The following ZNF440 variants were observed in gnomAD, a reference collection of about 807,000 sequenced individuals.
ZNF440 encodes the protein zinc finger protein 440.
ZNF440 carries 47 observed loss-of-function variants against 49.7 expected under a neutral mutation model. The observed-to-expected ratio is 0.95, with a 90% CI of 0.75 to 1.21. The LOEUF (loss-of-function observed/expected upper bound fraction) is 1.21. Among genes scored for constraint, ZNF440 ranks in the 50% most tolerant of loss-of-function variants. The probability of loss-of-function intolerance (pLI) is 0.00; values close to 1 mark genes in which losing one functional copy is unlikely to be tolerated. For missense variants in ZNF440, 703 were observed against 715.0 expected (o/e 0.98, Z 0.19); for synonymous variants, 255 against 237.7 (o/e 1.07, Z -0.67).
chr19:11,828,359 G>A lies in ZNF440; in HGVS notation c.4-1924G>A, dbSNP rs144734182. 2.1e-3 allele frequency among the ~76,000 whole-genome samples: 313 copies of A among 151,306 alleles called. 1 individual carries two copies. The highest frequency in any genetic ancestry group is 7.2e-3 in the African/African-American group (295 of 41,204). On this transcript the variant is annotated intron_variant, in intron 1 of 3. Transcript: ENST00000304060. ...GTGCCACCACGCCTGGCTAATTTTTGTATTTTTTAGAGATGGAGTTCCACC... is the reference window on the plus strand; with the variant it reads ...GTGCCACCACGCCTGGCTAATTTTTATATTTTTTAGAGATGGAGTTCCACC...
intron 1 of ZNF440, among the ~76,000 whole-genome samples, chr19:11,824,182 C>CAAAAAAAAAAAAAAAAAA (rs200865473): frequency 6.7e-5 from 4 of 59,972 alleles, no homozygotes; most frequent in Non-Finnish European, 1.0e-4. Context: ...TACCCTGTTT[C>CAAAAAAAAAAAAAAAAAA]AAAAAAAAAA....
intron 1 of ZNF440, among the ~76,000 whole-genome samples, chr19:11,824,537 G>A (rs1318674599): frequency 1.3e-5 from 2 of 151,766 alleles, no homozygotes; most frequent in African/African-American, 2.4e-5. Context: ...ATTTTATATC[G>A]GATTTTATTT....
At chr19:11,823,517 A>C (rs926347426) in intron 1 of ZNF440, among the ~76,000 whole-genome samples, 9 of 152,196 alleles carry the variant, frequency 5.9e-5, no homozygotes, top group African/African-American at 1.7e-4. Context: ...CAGAAACGTT[A>C]CATCATAGTG....
In ZNF440 at chr19:11,834,481, G is replaced by A. The variant is rs184835577; in HGVS notation, c.*1517G>A. ...ACCAATAGTTATCTCATGCACCTCT[G>A]AGTGCCTTCTTCCCCAAAACCAGCA... On this transcript the variant is annotated 3_prime_UTR_variant, in exon 4 of 4. Transcript: ENST00000304060. The A allele has an allele frequency of 4.6e-5, 7 of 152,182 alleles. 1 individual carries two copies. Among genetic ancestry groups the A allele is most frequent in the Non-Finnish European group, 7.4e-5 (5 of 68,010 alleles). The allele number at this position is 152,182 out of a possible 1,614,324, so 9.4% of individuals were successfully genotyped here.
chr19:11,829,629 A>G (rs1975908684), intron 1 of ZNF440, among the ~76,000 whole-genome samples: 1 of 152,086 alleles, frequency 6.6e-6, no homozygotes, highest in Non-Finnish European at 1.5e-5. Flanking sequence ...TACATTTCCT[A>G]TCCTGCTGTG....
At chr19:11,821,127 T>G (rs1056480225) in intron 1 of ZNF440, among the ~76,000 whole-genome samples, 4 of 152,214 alleles carry the variant, frequency 2.6e-5, no homozygotes, top group African/African-American at 4.8e-5. Context: ...CTTTGGAAAC[T>G]TCAAAGGGTG....
Position 11,831,643 on chromosome 19 carries a change from G to A in ZNF440, c.467G>A (p.Arg156His), listed in dbSNP as rs200222542. ...CAACCTAAAAAAGCCTTCAGATACC[G>A]CCCCTCCTTTAGAACACAAGAAAGG... The part of the protein sequence containing the change: ...CQQPKKAFRY[R>H]PSFRTQERDH... The change falls in exon 4 of 4, where the codon CGC becomes CAC. Residue 156 changes from arginine (R) to histidine (H), a missense_variant. Transcript: ENST00000304060. 101 of 1,613,978 alleles carry A rather than the reference G, an allele frequency of 6.3e-5. No homozygotes were observed. Among genetic ancestry groups the A allele is most frequent in the South Asian group, 7.7e-5 (7 of 91,086 alleles).
chr19:11,828,637 G>T (rs768247611), intron 1 of ZNF440, among the ~76,000 whole-genome samples: 4 of 151,382 alleles, frequency 2.6e-5, no homozygotes, highest in Non-Finnish European at 5.9e-5. Flanking sequence ...CAATTATCCC[G>T]AGGTGTCATG....
Position 11,831,993 on chromosome 19 carries a change from A to G in ZNF440, c.817A>G (p.Arg273Gly), listed in dbSNP as rs748928960. ...KAFHSPRSYR[R>G]HERIHMGEKA... Reference sequence around the variant, plus strand: ...ATTTCATAGTCCCAGATCCTATCGTAGACATGAAAGGATTCACATGGGAGA... The same window carrying G: ...ATTTCATAGTCCCAGATCCTATCGTGGACATGAAAGGATTCACATGGGAGA... Residue 273 changes from arginine (R) to glycine (G), a missense_variant, in exon 4 of 4, where the codon AGA becomes GGA. By Grantham distance (125) the Arg-to-Gly change is moderately radical. Transcript: ENST00000304060. The G allele has an allele frequency of 2.8e-5, 45 of 1,613,884 alleles. No individual in the cohort carries two copies. In the East Asian group the frequency reaches 5.1e-4, roughly 18 times the overall value.
chr19:11,830,472 G>T, intron 2 of ZNF440, 63 bp downstream of exon 2: 1 of 1,608,196 alleles, frequency 6.2e-7, no homozygotes, highest in Non-Finnish European at 8.5e-7. Flanking sequence ...GCTCATTAAT[G>T]CTGTTGAGTG....
At chr19:11,818,290 T>C (rs770263764) in intron 1 of ZNF440, among the ~76,000 whole-genome samples, 2 of 152,152 alleles carry the variant, frequency 1.3e-5, no homozygotes, top group Admixed American at 6.5e-5. Context: ...CATCAGGACA[T>C]TCTGTTGTTG....
Position 11,830,360 on chromosome 19 carries a change from A to T in ZNF440, c.81A>T (p.Lys27Asn), listed in dbSNP as rs1975920253. ...EWALLDISQR[K>N]LYREVMLETF... is the part of the protein sequence containing the mutation. Reference sequence around the variant, plus strand: ...CTTTGCTGGATATTTCCCAGAGGAAACTCTACAGGGAAGTGATGCTGGAAA... The same window carrying T: ...CTTTGCTGGATATTTCCCAGAGGAATCTCTACAGGGAAGTGATGCTGGAAA... Residue 27 changes from lysine to asparagine, a missense_variant, in exon 2 of 4, where the codon AAA becomes AAT. Transcript: ENST00000304060. 3 of 1,613,978 alleles carry T rather than the reference A, an allele frequency of 1.9e-6. No homozygotes were observed. The highest frequency in any genetic ancestry group is 2.2e-5 in the East Asian group (1 of 44,880).
chr19:11,821,055 TCTC>T (rs1303883120), intron 1 of ZNF440, among the ~76,000 whole-genome samples: 1 of 152,156 alleles, frequency 6.6e-6, no homozygotes, highest in East Asian at 1.9e-4. Context: ...TATGCATGCT[TCTC>T]CTCCATTCAT....
chr19:11,819,115 C>T (rs1207013872), intron 1 of ZNF440, among the ~76,000 whole-genome samples: 1 of 151,996 alleles, frequency 6.6e-6, no homozygotes, highest in Non-Finnish European at 1.5e-5. Context: ...CAAGACCAGC[C>T]TGGGCAACAT....
At chr19:11,823,233 T>C (rs919126285) in intron 1 of ZNF440, among the ~76,000 whole-genome samples, 3 of 152,136 alleles carry the variant, frequency 2.0e-5, no homozygotes, top group African/African-American at 4.8e-5. Flanking sequence ...TCAGAAAGGA[T>C]CGACTCTTAT....
rs1425296858 is a variant in ZNF440, at chr19:11,816,175, T to C, written c.3+1725T>C. Reference sequence around the variant, plus strand: ...TTCCATTGGCAGAAAGGGTGGGACCTGTGGAAGGGGGGTTAGAAGGCACAG... The same window carrying C: ...TTCCATTGGCAGAAAGGGTGGGACCCGTGGAAGGGGGGTTAGAAGGCACAG... On this transcript the variant is annotated intron_variant, in intron 1 of 3. Transcript: ENST00000304060. 16 of 156,714 alleles carry C rather than the reference T, an allele frequency of 1.0e-4. No homozygotes were observed. The South Asian group carries it at 2.8e-3, about 27-fold the overall frequency. 9.7% of individuals were successfully genotyped at this position (156,714 alleles called of 1,614,324 possible). A position where few individuals can be genotyped will look rare whatever the true frequency, so the allele number is the denominator to read the frequency against.
At chr19:11,821,621 AT>A (rs757641588) in intron 1 of ZNF440, among the ~76,000 whole-genome samples, 14 of 152,262 alleles carry the variant, frequency 9.2e-5, no homozygotes, top group Non-Finnish European at 8.8e-5. Flanking sequence ...GAAAGTAGTC[AT>A]TGAGCGCTTC....
chr19:11,831,254 G>A, intron 3 of ZNF440, 114 bp from the exon 4 acceptor site: 2 of 1,369,672 alleles, frequency 1.5e-6, no homozygotes, highest in Non-Finnish European at 2.0e-6. Flanking sequence ...TTCAGACAGG[G>A]CAGAAAGCCT....
chr19:11,832,407 CT>C lies in ZNF440; in HGVS notation c.1233del (p.Arg412GlufsTer25). Reference protein sequence around the residue: ...CGKAFRSASHLRVHGRTHTGE... With the variant: ...CGKAFRSASHXRVHGRTHTGE... ...GAAAGCCTTCAGATCTGCCTCACAC[CT>C]TCGAGTGCATGGTAGGACTCACACT... On this transcript the variant is annotated frameshift_variant, in exon 4 of 4. Coordinates refer to ENST00000304060, the MANE Select transcript of ZNF440 (RefSeq NM_152357.3). LOFTEE classifies it high-confidence loss of function. 1 of 1,613,290 alleles carries C rather than the reference CT, an allele frequency of 6.2e-7. No homozygotes were observed. Among genetic ancestry groups the C allele is most frequent in the Non-Finnish European group, 8.5e-7 (1 of 1,179,694 alleles).
Sources: allele counts gnomAD v4.1 joint callset (sites outside exome capture counted in the v4.1 genomes callset), GRCh38; gene constraint gnomAD v4.1.1; transcripts MANE v1.5; gene names NCBI Gene and HGNC (gene_info 2026-07-23, HGNC 2026-07-21).